The following FIG4 variants were observed in gnomAD, a reference collection of about 807,000 sequenced individuals.
The protein encoded by FIG4 is FIG4 phosphoinositide 5-phosphatase.
A neutral mutation model predicts 118.6 loss-of-function variants in FIG4; 112 were observed. That is an observed-to-expected ratio of 0.94 (90% CI 0.81 to 1.11). The LOEUF is 1.11. Among genes scored for constraint, FIG4 ranks in the 50% least tolerant of loss-of-function variants. The pLI, the probability that FIG4 is intolerant of heterozygous loss-of-function variation, is 0.00. For missense variants in FIG4, 969 were observed against 1,111.7 expected, an observed-to-expected ratio of 0.87 and a Z score of 1.83; for synonymous variants, 369 against 381.2, an observed-to-expected ratio of 0.97 and a Z score of 0.37.
chr6:109,775,633 G>C (rs1289878363), intron 15 of FIG4, among the ~76,000 whole-genome samples: 1 of 152,084 alleles, frequency 6.6e-6, no homozygotes, highest in Non-Finnish European at 1.5e-5. Context: ...ATGTAAAGAG[G>C]GTACAAATTG....
chr6:109,799,024 A>T (rs1778362563), intron 22 of FIG4, among the ~76,000 whole-genome samples: 1 of 152,228 alleles, frequency 6.6e-6, no homozygotes, highest in Non-Finnish European at 1.5e-5. Context: ...AAATAATATG[A>T]TACAACTTAG....
intron 3 of FIG4, among the ~76,000 whole-genome samples, chr6:109,725,221 G>C (rs182116305): frequency 3.3e-5 from 5 of 151,920 alleles, no homozygotes; most frequent in African/African-American, 1.2e-4. Flanking sequence ...CCCCACATGC[G>C]TTAGGTATTT....
At position 109,768,389 on chromosome 6, in the gene FIG4, A is replaced by G. The variant is rs142355057; in HGVS notation, c.1750+1494A>G. Among the ~76,000 whole-genome samples the G allele has an allele frequency of 3.4e-3, 516 of 152,310 alleles. 2 individuals are homozygous for G. Among genetic ancestry groups the G allele is most frequent in the African/African-American group, 0.012 (499 of 41,562 alleles). On this transcript the variant is annotated intron_variant, in intron 15 of 22. Transcript: ENST00000230124. ...TCAGCTGTCCACATTTTCTAGGCCC[A>G]GAGAGTTTGCAAAGCTGGTCTGTTA...
At chr6:109,749,545 G>T (rs1209911385) in intron 10 of FIG4, among the ~76,000 whole-genome samples, 1 of 148,436 alleles carries the variant, frequency 6.7e-6, no homozygotes, top group African/African-American at 2.5e-5. Context: ...TAGAAACCTA[G>T]ATTTGAATTA....
At chr6:109,747,109 G>A (rs1776524434) in intron 10 of FIG4, among the ~76,000 whole-genome samples, 1 of 152,086 alleles carries the variant, frequency 6.6e-6, no homozygotes, top group African/African-American at 2.4e-5. Flanking sequence ...CTTGTTCTTA[G>A]CCAAAAGGCC....
chr6:109,732,577 T>TA (rs1776035506), intron 4 of FIG4, 60 bp from the exon 5 acceptor site: 1 of 901,404 alleles, frequency 1.1e-6, no homozygotes, highest in Admixed American at 1.8e-5. Flanking sequence ...GGGTACATGT[T>TA]AAACTGTGAG....
intron 1 of FIG4, among the ~76,000 whole-genome samples, chr6:109,691,920 C>T (rs1383753242): frequency 1.3e-5 from 2 of 152,268 alleles, no homozygotes; most frequent in Non-Finnish European, 2.9e-5. Context: ...TTTTCCTATT[C>T]CATGGTATAC....
chr6:109,792,476 T>G, intron 20 of FIG4, 106 bp from the exon 21 acceptor site: 1 of 734,834 alleles, frequency 1.4e-6, no homozygotes, highest in Non-Finnish European at 2.4e-6. Flanking sequence ...AGCACTGTGA[T>G]TGCTTTTGTG....
intron 1 of FIG4, among the ~76,000 whole-genome samples, chr6:109,705,599 T>C (rs1333814890): frequency 6.6e-6 from 1 of 152,236 alleles, no homozygotes; most frequent in Non-Finnish European, 1.5e-5. Flanking sequence ...TGGAAGGATC[T>C]AGATATTGGA....
rs1779021610 is a variant in FIG4, at chr6:109,822,071, C to T, written c.2547-3017C>T. Among the ~76,000 whole-genome samples the T allele has an allele frequency of 1.3e-5, 2 of 152,064 alleles. 1 individual carries two copies. Among genetic ancestry groups the T allele is most frequent in the South Asian group, 4.1e-4 (2 of 4,822 alleles). ...AAAGAAAGAAAAAGAAAGATGAGAG[C>T]ATCTGTAGATTAAAAAGCATATCAC... is the stretch of plus-strand genomic sequence containing the variant. On this transcript the variant is annotated intron_variant, in intron 22 of 22. Transcript: ENST00000230124.
intron 21 of FIG4, among the ~76,000 whole-genome samples, chr6:109,794,728 A>C (rs367573500): frequency 2.0e-5 from 3 of 152,102 alleles, no homozygotes; most frequent in Admixed American, 2.0e-4. Context: ...TGCCCCTGCC[A>C]CCCCGTTTCT....
intron 22 of FIG4, among the ~76,000 whole-genome samples, chr6:109,797,993 TA>T (rs1778333581): frequency 6.6e-6 from 1 of 152,094 alleles, no homozygotes; most frequent in African/African-American, 2.4e-5. Flanking sequence ...TGACATTTAG[TA>T]AATGTTCTCT....
chr6:109,692,074 T>C (rs1774469738), intron 1 of FIG4, among the ~76,000 whole-genome samples: 1 of 152,232 alleles, frequency 6.6e-6, no homozygotes. Context: ...CTTGACTTTT[T>C]TCAACATAAC....
At chr6:109,788,160 A>T (rs1778037460) in intron 18 of FIG4, among the ~76,000 whole-genome samples, 1 of 152,202 alleles carries the variant, frequency 6.6e-6, no homozygotes, top group South Asian at 2.1e-4. Flanking sequence ...CTAAATACAT[A>T]TTCAAGTTAC....
At chr6:109,718,764 C>T (rs1417920889) in intron 3 of FIG4, among the ~76,000 whole-genome samples, 1 of 151,942 alleles carries the variant, frequency 6.6e-6, no homozygotes, top group African/African-American at 2.4e-5. Context: ...GCTTAAATGC[C>T]ATAAATGCCA....
chr6:109,797,291 G>T (rs1376192161), intron 22 of FIG4, among the ~76,000 whole-genome samples: 1 of 152,210 alleles, frequency 6.6e-6, no homozygotes, highest in Admixed American at 6.5e-5. Context: ...ACGGAACTAT[G>T]TTCAAATCAT....
At chr6:109,733,269 G>C (rs1776062543) in intron 5 of FIG4, among the ~76,000 whole-genome samples, 1 of 152,088 alleles carries the variant, frequency 6.6e-6, no homozygotes, top group South Asian at 2.1e-4. Context: ...AAGCAAACCA[G>C]ATAATCCAGG....
chr6:109,737,305 A>G (rs1047499349), intron 6 of FIG4, among the ~76,000 whole-genome samples: 7 of 152,174 alleles, frequency 4.6e-5, no homozygotes, highest in African/African-American at 1.4e-4. Context: ...GGTACTTTGC[A>G]TATACTATTT....
At chr6:109,694,389 G>A (rs770617238) in intron 1 of FIG4, among the ~76,000 whole-genome samples, 1 of 152,158 alleles carries the variant, frequency 6.6e-6, no homozygotes, top group Admixed American at 6.5e-5. Context: ...ATATCCATGT[G>A]CAGAATGAAA....
Sources: gnomAD v4.1 joint callset for allele counts (sites outside exome capture counted in the v4.1 genomes callset) on GRCh38, gnomAD v4.1.1 for gene constraint, MANE v1.5 for transcripts, NCBI Gene and HGNC (gene_info 2026-07-23, HGNC 2026-07-21) for gene names.